SEPTIN4: variants seen among roughly 807,000 people sequenced by gnomAD.
SEPTIN4 encodes septin 4.
SEPTIN4 carries 52 observed loss-of-function variants against 107.1 expected under a neutral mutation model. The observed-to-expected ratio is 0.49, with a 90% CI of 0.39 to 0.61. The LOEUF is 0.61. Among genes scored for constraint, SEPTIN4 ranks in the 20% least tolerant of loss-of-function variants. The probability of loss-of-function intolerance (pLI) is 0.00; values close to 1 mark genes in which losing one functional copy is unlikely to be tolerated. For missense variants in SEPTIN4, 1,048 were observed against 1,243.5 expected (o/e 0.84, Z 2.36); for synonymous variants, 417 against 467.0 (o/e 0.89, Z 1.38).
intron 3 of SEPTIN4, chr17:58,539,037 C>T: frequency 1.0e-6 from 1 of 981,430 alleles, no homozygotes; most frequent in Admixed American, 3.0e-5. Flanking sequence ...GCCATGCCGG[C>T]TGAGGGACAG....
At chr17:58,520,959 A>C in intron 12 of SEPTIN4, 39 bp downstream of exon 12, 2 of 1,612,570 alleles carry the variant, frequency 1.2e-6, no homozygotes, top group Non-Finnish European at 1.7e-6. Flanking sequence ...TAGGCTTGGG[A>C]TCTCCCCCTG....
chr17:58,532,172 T>C lies in SEPTIN4; in HGVS notation c.1615-5194A>G, dbSNP rs1245419126. 4 of 935,890 alleles carry C rather than the reference T, an allele frequency of 4.3e-6. No individual in the cohort carries two copies. The African/African-American group carries it at 7.1e-5, about 17-fold the overall frequency. 58.0% of individuals were successfully genotyped at this position (935,890 alleles called of 1,614,324 possible). On this transcript the variant is annotated intron_variant, in intron 3 of 13. Transcript: ENST00000672673. ...GCTAGCGGTGCCGGCGCGAAGTGGG[T>C]CGGGGTGCCCAGCTGGGGGCCGGCC... is the stretch of plus-strand genomic sequence containing the variant.
intron 3 of SEPTIN4, chr17:58,529,554 C>T (rs9901693): frequency 0.19 from 94,852 of 490,900 alleles, 9,904 homozygotes; most frequent in South Asian, 0.32. Context: ...GCTTTTGATC[C>T]ATTTGACCTC....
At chr17:58,526,492 T>G (rs2042890691) in intron 4 of SEPTIN4, 179 bp from the exon 5 acceptor site, 1 of 1,389,358 alleles carries the variant, frequency 7.2e-7, no homozygotes, top group Middle Eastern at 1.9e-4. Flanking sequence ...AAACTGCAAA[T>G]TTCCAGTGCC....
intron 3 of SEPTIN4, chr17:58,527,200 G>A: frequency 1.2e-6 from 1 of 863,432 alleles, no homozygotes; most frequent in Non-Finnish European, 2.0e-6. Context: ...AAGGGTCCCA[G>A]GGTCCAGGAA....
In SEPTIN4 at chr17:58,533,167, G is replaced by A. The variant is rs142222718; in HGVS notation, c.1615-6189C>T. 5.8e-3 allele frequency among the ~76,000 whole-genome samples: 876 copies of A among 152,324 alleles called. 5 individuals are homozygous for A. Among genetic ancestry groups the A allele is most frequent in the African/African-American group, 9.3e-3 (386 of 41,564 alleles). ...ACCAGTCAGAACTCAGCCAGGGGAG[G>A]GAAGAGGGCCTGGGGCAGCAGGTAA... is the stretch of plus-strand genomic sequence containing the variant. On this transcript the variant is annotated intron_variant, in intron 3 of 13. Coordinates refer to ENST00000672673, the MANE Select transcript of SEPTIN4 (RefSeq NM_001368771.2).
chr17:58,520,349 G>A lies in SEPTIN4; in HGVS notation c.*77C>T. The A allele has an allele frequency of 2.1e-6, 3 of 1,399,454 alleles. No homozygotes were observed. Among genetic ancestry groups the A allele is most frequent in the African/African-American group, 1.4e-5 (1 of 70,908 alleles). The allele number at this position is 1,399,454 out of a possible 1,614,324, so 86.7% of individuals were successfully genotyped here. On this transcript the variant is annotated 3_prime_UTR_variant, in exon 14 of 14. Coordinates refer to ENST00000672673, the MANE Select transcript of SEPTIN4 (RefSeq NM_001368771.2). ...AGTGGCAGTAGCTGAAGGGGCCTGA[G>A]CAGAGCTGGTGCTGGGAGGGGCCGG...
rs780146617 is a variant in SEPTIN4 at position 58,525,792 on chromosome 17, A to T, written c.2006-11T>A. On this transcript the variant is annotated splice_polypyrimidine_tract_variant and intron_variant, in intron 5 of 13. Transcript: ENST00000672673. ...CCAGGCCAGACTCTCCTGAGAGGAG[A>T]GAGGACAGAGGCACCAAATCAGAAG... 1 of 1,608,770 alleles carries T rather than the reference A, an allele frequency of 6.2e-7. No individual in the cohort carries two copies.
chr17:58,526,681 C>G lies in SEPTIN4; in HGVS notation c.1911+1G>C. On this transcript the variant is annotated splice_donor_variant, in intron 4 of 13. Transcript: ENST00000672673. LOFTEE classifies it high-confidence loss of function. ...GGCAAAGGCAGGGCTGGAGGCTCTA[C>G]CTCAGAGGAATCATAGGGATCAAGC... The G allele has an allele frequency of 1.3e-6, 2 of 1,562,468 alleles. No individual in the cohort carries two copies. The highest frequency in any genetic ancestry group is 1.7e-6 in the Non-Finnish European group (2 of 1,159,256).
Position 58,526,875 on chromosome 17 carries a change from C to G in SEPTIN4, c.1718G>C (p.Trp573Ser). Residue 573 changes from tryptophan (W) to serine (S), a missense_variant, in exon 4 of 14, where the codon TGG becomes TCG. This residue lies in a region of SEPTIN4 where 787 missense variants were observed against 871.8 expected (regional missense o/e 0.90). Coordinates refer to ENST00000672673, the MANE Select transcript of SEPTIN4 (RefSeq NM_001368771.2). ...ASCHPPEAKT[W>S]ASRPQVPEPR... ...CTCCGGGACTTGGGGCCTGGATGCCCAGGTCTTAGCCTCTGGTGGGTGGCA... is the reference window on the plus strand; with the variant it reads ...CTCCGGGACTTGGGGCCTGGATGCCGAGGTCTTAGCCTCTGGTGGGTGGCA... The G allele has an allele frequency of 6.2e-7, 1 of 1,614,002 alleles. No individual in the cohort carries two copies. The highest frequency in any genetic ancestry group is 8.5e-7 in the Non-Finnish European group (1 of 1,180,008).
chr17:58,541,974 TA>T lies in SEPTIN4; in HGVS notation c.1562-9del, dbSNP rs758831245. The T allele has an allele frequency of 2.1e-5, 34 of 1,613,482 alleles. No individual in the cohort carries two copies. The South Asian group carries it at 3.5e-4, about 17-fold the overall frequency. Reference sequence around the variant, plus strand: ...ACATTTCCTCAGAGACATCTGAAAGTAACAGAGAGATGGTTGCTTTTCTTCT... The same window carrying T: ...ACATTTCCTCAGAGACATCTGAAAGTACAGAGAGATGGTTGCTTTTCTTCT... On this transcript the variant is annotated splice_polypyrimidine_tract_variant and intron_variant, in intron 1 of 13. Transcript: ENST00000672673.
chr17:58,540,739 T>G, intron 2 of SEPTIN4, 66 bp from the exon 3 acceptor site: 1 of 1,298,104 alleles, frequency 7.7e-7, no homozygotes, highest in Non-Finnish European at 9.8e-7. Flanking sequence ...AGAGTGCCAA[T>G]AGGAGGAGAA....
chr17:58,540,670 T>C lies in SEPTIN4; in HGVS notation c.1610A>G (p.Glu537Gly). 1 of 1,359,982 alleles carries C rather than the reference T, an allele frequency of 7.4e-7. No individual in the cohort carries two copies. Among genetic ancestry groups the C allele is most frequent in the Admixed American group, 3.6e-5 (1 of 27,582 alleles). The allele number at this position is 1,359,982 out of a possible 1,614,324, so 84.2% of individuals were successfully genotyped here. The change falls in exon 3 of 14, where the codon GAG becomes GGG. Residue 537 changes from glutamate (E) to glycine (G), a missense_variant. Physicochemically the swap from Glu to Gly is moderately conservative, Grantham distance 98 (BLOSUM62 -2). Around this residue, in one of 2 missense-constraint regions of SEPTIN4, gnomAD observed 787 missense variants for 871.8 expected, o/e 0.90. Transcript: ENST00000672673. The part of the protein sequence containing the change: ...YNRVIWWLKD[E>G]EIKRFLEDTT... ...ACCTCCCAGGGGCATTCTTACCTCC[T>C]CATCTGTCATAACAGAGTAGAAGCC...
At position 58,540,683 on chromosome 17, in the gene SEPTIN4, C is replaced by A; in HGVS notation, c.1607-10G>T. On this transcript the variant is annotated splice_polypyrimidine_tract_variant and intron_variant, in intron 2 of 13. Coordinates refer to ENST00000672673, the MANE Select transcript of SEPTIN4 (RefSeq NM_001368771.2). ...ATTCTTACCTCCTCATCTGTCATAA[C>A]AGAGTAGAAGCCAGGCATTCCCAGG... The A allele has an allele frequency of 1.5e-6, 2 of 1,352,768 alleles. No homozygotes were observed. The highest frequency in any genetic ancestry group is 1.9e-5 in the South Asian group (1 of 52,758). The allele number at this position is 1,352,768 out of a possible 1,614,324, so 83.8% of individuals were successfully genotyped here. A position where few individuals can be genotyped will look rare whatever the true frequency, so the allele number is the denominator to read the frequency against.
rs779364777 is a variant in SEPTIN4 at position 58,526,295 on chromosome 17, C to T, written c.1930G>A (p.Gly644Ser). The change falls in exon 5 of 14, where the codon GGC becomes AGC. Residue 644 changes from glycine to serine, a missense_variant. This residue lies in a region of SEPTIN4 where 787 missense variants were observed against 871.8 expected (regional missense o/e 0.90). Coordinates refer to ENST00000672673, the MANE Select transcript of SEPTIN4 (RefSeq NM_001368771.2). ...ACTTGGTTGGGGAGGGTTGCAAAGC[C>T]CACATACTCCTTGTCATCCTAGTAG... ...DSSEDDKEYV[G>S]FATLPNQVHR... 6.3e-7 allele frequency: 1 copy of T among 1,598,106 alleles called. No individual in the cohort carries two copies. Among genetic ancestry groups the T allele is most frequent in the South Asian group, 1.1e-5 (1 of 88,922 alleles).
intron 3 of SEPTIN4, among the ~76,000 whole-genome samples, chr17:58,534,934 G>A (rs1038721155): frequency 3.3e-5 from 5 of 152,228 alleles, no homozygotes. Context: ...AGGAAATCAG[G>A]ATTTCAGATC....
At position 58,543,161 on chromosome 17, in the gene SEPTIN4, C is replaced by T; in HGVS notation, c.1026G>A (p.Gln342=). The stretch of plus-strand genomic sequence containing the variant: ...TCACATGGTGAGTTGGCTCTACTGA[C>T]TGTACCCCTGGGGAGATGGTGACCC... ...GRRVTISPGV[Q]SVEPTHHVTV... Residue 342 remains glutamine, a synonymous_variant, in exon 1 of 14, where the codon CAG becomes CAA. Transcript: ENST00000672673. The T allele has an allele frequency of 1.2e-6, 2 of 1,613,672 alleles. No individual in the cohort carries two copies. The highest frequency in any genetic ancestry group is 1.7e-6 in the Non-Finnish European group (2 of 1,179,724).
At chr17:58,527,885 G>A (rs1446180548) in intron 3 of SEPTIN4, 1 of 985,558 alleles carries the variant, frequency 1.0e-6, no homozygotes, top group Admixed American at 6.1e-5. Context: ...GACCCACAGG[G>A]AGTGGAAGGC....
At chr17:58,534,392 C>G (rs2043638482) in intron 3 of SEPTIN4, among the ~76,000 whole-genome samples, 1 of 152,198 alleles carries the variant, frequency 6.6e-6, no homozygotes, top group Non-Finnish European at 1.5e-5. Flanking sequence ...GCCTCTGTTT[C>G]CCCCACTGAA....
Sources: allele counts gnomAD v4.1 joint callset (sites outside exome capture counted in the v4.1 genomes callset), GRCh38; gene constraint gnomAD v4.1.1; regional missense constraint gnomAD v4.1.1; transcripts MANE v1.5; gene names NCBI Gene and HGNC (gene_info 2026-07-23, HGNC 2026-07-21).